Variants in FHIT observed in about 807,000 individuals in gnomAD.
FHIT encodes bis(5'-adenosyl)-triphosphatase.
A neutral mutation model predicts 17.9 loss-of-function variants in FHIT; 19 were observed. The observed-to-expected ratio is 1.06, with a 90% CI of 0.74 to 1.56. The LOEUF is 1.56. Among genes scored for constraint, FHIT ranks in the 40% most tolerant of loss-of-function variants. The probability of loss-of-function intolerance (pLI) is 0.00; values close to 1 mark genes in which losing one functional copy is unlikely to be tolerated. For synonymous variants in FHIT, 81 were observed against 69.7 expected (o/e 1.16, Z -0.81); for missense variants, 248 against 189.2 (o/e 1.31, Z -1.82).
At position 60,023,633 on chromosome 3, in the gene FHIT, A is replaced by G. The variant is rs1201052374; in HGVS notation, c.104-9481T>C. On this transcript the variant is annotated intron_variant, in intron 5 of 9. Transcript: ENST00000492590. The stretch of plus-strand genomic sequence containing the variant: ...TCTGAAGGCAAAAAGTAGCCAAACT[A>G]TAAATATGAAAGGAAAGAAATAGGA... Among the ~76,000 whole-genome samples, 2 of 152,208 alleles carry G rather than the reference A, an allele frequency of 1.3e-5. 1 individual carries two copies. Among genetic ancestry groups the G allele is most frequent in the African/African-American group, 4.8e-5 (2 of 41,456 alleles).
intron 2 of FHIT, among the ~76,000 whole-genome samples, chr3:61,197,995 T>A (rs530908383): frequency 5.9e-5 from 9 of 152,154 alleles, no homozygotes; most frequent in African/African-American, 2.2e-4. Context: ...AAGAACTCTG[T>A]ACTTTTTGTA....
chr3:60,164,949 G>A (rs929982144), intron 5 of FHIT, among the ~76,000 whole-genome samples: 4 of 152,038 alleles, frequency 2.6e-5, no homozygotes, highest in African/African-American at 4.8e-5. Context: ...AGAAACAACC[G>A]ACTTGTGTGA....
intron 8 of FHIT, among the ~76,000 whole-genome samples, chr3:59,843,567 T>C (rs940585312): frequency 2.6e-5 from 4 of 152,204 alleles, no homozygotes; most frequent in Non-Finnish European, 2.9e-5. Flanking sequence ...TTTTCATTGA[T>C]TGATACCTTC....
At chr3:60,568,230 G>A (rs1362194965) in intron 4 of FHIT, among the ~76,000 whole-genome samples, 2 of 152,092 alleles carry the variant, frequency 1.3e-5, no homozygotes, top group African/African-American at 4.8e-5. Flanking sequence ...ATGATAGACT[G>A]GATTAACAAA....
chr3:59,794,371 C>A (rs1699694108), intron 8 of FHIT, among the ~76,000 whole-genome samples: 1 of 152,174 alleles, frequency 6.6e-6, no homozygotes, highest in African/African-American at 2.4e-5. Flanking sequence ...ATGTTATTAA[C>A]AATGGTGCTA....
chr3:60,000,763 C>G (rs577144492), intron 7 of FHIT, among the ~76,000 whole-genome samples: 1 of 152,130 alleles, frequency 6.6e-6, no homozygotes, highest in South Asian at 2.1e-4. Context: ...CTCTGAGTAT[C>G]ATCAAAACAT....
intron 5 of FHIT, among the ~76,000 whole-genome samples, chr3:60,223,740 G>A (rs1704064369): frequency 6.6e-6 from 1 of 152,048 alleles, no homozygotes; most frequent in Non-Finnish European, 1.5e-5. Flanking sequence ...TGCTTTCTTA[G>A]CACCACTGGT....
At chr3:59,915,824 C>T (rs751971118) in intron 8 of FHIT, among the ~76,000 whole-genome samples, 1 of 151,632 alleles carries the variant, frequency 6.6e-6, no homozygotes, top group Admixed American at 6.6e-5. Flanking sequence ...CCTAGCCACT[C>T]AGGAGGCTGA....
At position 60,486,822 on chromosome 3, in the gene FHIT, C is replaced by T. The variant is rs542676567; in HGVS notation, c.103+50038G>A. On this transcript the variant is annotated intron_variant, in intron 5 of 9. Transcript: ENST00000492590. Reference sequence around the variant, plus strand: ...GATCCAAAAATTCTTAGTAATGCCACTAAAATTTCTCAAAACAAAGTCAGT... The same window carrying T: ...GATCCAAAAATTCTTAGTAATGCCATTAAAATTTCTCAAAACAAAGTCAGT... 2.6e-5 allele frequency among the ~76,000 whole-genome samples: 4 copies of T among 151,472 alleles called. 1 individual carries two copies. The South Asian group carries it at 8.5e-4, about 32-fold the overall frequency.
intron 5 of FHIT, among the ~76,000 whole-genome samples, chr3:60,284,292 G>A (rs947056485): frequency 7.9e-5 from 12 of 152,262 alleles, no homozygotes; most frequent in African/African-American, 2.9e-4. Flanking sequence ...TAAATGTAAA[G>A]ACAAATGAGG....
intron 4 of FHIT, among the ~76,000 whole-genome samples, chr3:60,731,004 G>A (rs894362037): frequency 2.9e-4 from 44 of 150,662 alleles, no homozygotes; most frequent in African/African-American, 9.0e-4. Flanking sequence ...GGTGGCACGC[G>A]CCCGTAATCC....
intron 5 of FHIT, among the ~76,000 whole-genome samples, chr3:60,161,150 G>T (rs1480061276): frequency 6.6e-6 from 1 of 152,152 alleles, no homozygotes; most frequent in South Asian, 2.1e-4. Flanking sequence ...GGCTATGTTT[G>T]GTCTCTCTAT....
chr3:60,840,794 A>C (rs1422493347), intron 3 of FHIT, among the ~76,000 whole-genome samples: 1 of 152,222 alleles, frequency 6.6e-6, no homozygotes, highest in East Asian at 1.9e-4. Context: ...CATATGGCCT[A>C]TCAGTAATGA....
At chr3:60,533,571 T>C (rs1203348951) in intron 5 of FHIT, among the ~76,000 whole-genome samples, 2 of 152,040 alleles carry the variant, frequency 1.3e-5, no homozygotes, top group Non-Finnish European at 2.9e-5. Context: ...AATAAGGAAG[T>C]GAGTGTCACA....
chr3:60,831,020 A>G (rs1702309306), intron 3 of FHIT, among the ~76,000 whole-genome samples: 1 of 152,204 alleles, frequency 6.6e-6, no homozygotes, highest in African/African-American at 2.4e-5. Context: ...CAGATAGAAA[A>G]TCTTTAAGAT....
chr3:60,688,410 T>C (rs2040908038), intron 4 of FHIT, among the ~76,000 whole-genome samples: 1 of 151,174 alleles, frequency 6.6e-6, no homozygotes, highest in Non-Finnish European at 1.5e-5. Context: ...GACTATTTGG[T>C]CAAATTATGT....
At chr3:60,224,012 T>G (rs1447490551) in intron 5 of FHIT, among the ~76,000 whole-genome samples, 1 of 152,126 alleles carries the variant, frequency 6.6e-6, no homozygotes, top group Non-Finnish European at 1.5e-5. Flanking sequence ...AACTTGTATG[T>G]TTCCTCCTCC....
At chr3:60,351,059 T>C (rs1178340164) in intron 5 of FHIT, among the ~76,000 whole-genome samples, 2 of 151,556 alleles carry the variant, frequency 1.3e-5, no homozygotes, top group Non-Finnish European at 2.9e-5. Flanking sequence ...AAAAGCTATA[T>C]TGCAGCCTGG....
intron 2 of FHIT, among the ~76,000 whole-genome samples, chr3:61,085,505 A>G (rs2035278414): frequency 1.3e-5 from 2 of 152,030 alleles, no homozygotes; most frequent in African/African-American, 4.8e-5. Context: ...AATTCTTTAT[A>G]TATTCTTGAT....
Sources: gnomAD v4.1 joint callset for allele counts (sites outside exome capture counted in the v4.1 genomes callset) on GRCh38, gnomAD v4.1.1 for gene constraint, MANE v1.5 for transcripts, NCBI Gene and HGNC (gene_info 2026-07-23, HGNC 2026-07-21) for gene names.